DRC1: variants seen among roughly 807,000 people sequenced by gnomAD.
DRC1 encodes dynein regulatory complex subunit 1, also known as dynein regulatory complex protein 1.
DRC1 carries 74 observed loss-of-function variants against 98.7 expected under a neutral mutation model. The observed-to-expected ratio is 0.75, with a 90% CI of 0.62 to 0.91. The LOEUF is 0.91. DRC1 is among the 40% of genes least tolerant of loss of function. The pLI, the probability that DRC1 is intolerant of heterozygous loss-of-function variation, is 0.00. For synonymous variants in DRC1, 336 were observed against 334.1 expected (o/e 1.01, Z -0.06); for missense variants, 875 against 886.0 (o/e 0.99, Z 0.16).
At chr2:26,449,639 A>T (rs1462026829) in intron 11 of DRC1, among the ~76,000 whole-genome samples, 4 of 152,120 alleles carry the variant, frequency 2.6e-5, no homozygotes, top group Non-Finnish European at 2.9e-5. Flanking sequence ...GGACAAGACT[A>T]TGGGTGAAGC....
Position 26,421,406 on chromosome 2 carries a change from G to T in DRC1, c.356+6G>T. 2 of 1,611,296 alleles carry T rather than the reference G, an allele frequency of 1.2e-6. No homozygotes were observed. Among genetic ancestry groups the T allele is most frequent in the Non-Finnish European group, 1.7e-6 (2 of 1,177,978 alleles). On this transcript the variant is annotated splice_donor_region_variant and intron_variant, in intron 3 of 16. Coordinates refer to ENST00000288710, the MANE Select transcript of DRC1 (RefSeq NM_145038.5). ...GAGGAGATAAAGCGTCAAAGGTAAGGACTGTGCTACTCTGCAGCTGGTGGA... is the reference window on the plus strand; with the variant it reads ...GAGGAGATAAAGCGTCAAAGGTAAGTACTGTGCTACTCTGCAGCTGGTGGA...
At chr2:26,422,132 G>A (rs1255923415) in intron 3 of DRC1, among the ~76,000 whole-genome samples, 2 of 152,204 alleles carry the variant, frequency 1.3e-5, no homozygotes, top group Non-Finnish European at 2.9e-5. Flanking sequence ...GGGATGAATA[G>A]GAATTTGAGG....
At chr2:26,427,945 T>G (rs1014951001) in intron 4 of DRC1, among the ~76,000 whole-genome samples, 4 of 152,210 alleles carry the variant, frequency 2.6e-5, no homozygotes, top group African/African-American at 9.7e-5. Flanking sequence ...CCCTTGTGTA[T>G]AGGTACCACA....
chr2:26,407,430 C>A (rs1032060156), intron 1 of DRC1, among the ~76,000 whole-genome samples: 6 of 152,174 alleles, frequency 3.9e-5, no homozygotes, highest in African/African-American at 1.4e-4. Flanking sequence ...ATATCATATT[C>A]ATCCGTGAGG....
At chr2:26,452,406 C>G (rs1405385116) in intron 13 of DRC1, among the ~76,000 whole-genome samples, 1 of 152,116 alleles carries the variant, frequency 6.6e-6, no homozygotes, top group Non-Finnish European at 1.5e-5. Context: ...ATTACAGGCA[C>G]CTGCCACCAC....
At chr2:26,434,169 T>C (rs987851649) in intron 7 of DRC1, among the ~76,000 whole-genome samples, 1 of 152,022 alleles carries the variant, frequency 6.6e-6, no homozygotes, top group Non-Finnish European at 1.5e-5. Context: ...ACCACAAAAA[T>C]AGGAAGGATA....
At chr2:26,425,493 C>T (rs1314475365) in intron 4 of DRC1, among the ~76,000 whole-genome samples, 1 of 152,138 alleles carries the variant, frequency 6.6e-6, no homozygotes, top group Admixed American at 6.5e-5. Flanking sequence ...TCTTAGGAAC[C>T]TCCATACTGT....
At chr2:26,412,862 A>G (rs1678661867) in intron 1 of DRC1, among the ~76,000 whole-genome samples, 1 of 152,018 alleles carries the variant, frequency 6.6e-6, no homozygotes, top group Non-Finnish European at 1.5e-5. Flanking sequence ...GGCTCACTGC[A>G]AGCTCCGCCT....
intron 1 of DRC1, among the ~76,000 whole-genome samples, chr2:26,404,079 G>A (rs1414230921): frequency 2.6e-5 from 4 of 151,852 alleles, no homozygotes; most frequent in East Asian, 3.9e-4. Flanking sequence ...CAGCCTGGGC[G>A]ACAGAGCGAG....
rs757114521 is a variant in DRC1, at chr2:26,402,028, C to T, written c.39C>T (p.Asn13=). Residue 13 remains asparagine, a synonymous_variant, in exon 1 of 17, where the codon AAC becomes AAT. Coordinates refer to ENST00000288710, the MANE Select transcript of DRC1 (RefSeq NM_145038.5). ...GGTCCCTAGAGGCCCTGGACCCGAACGTGGACGAGCACTTGTCCACCCAGA... is the reference window on the plus strand; with the variant it reads ...GGTCCCTAGAGGCCCTGGACCCGAATGTGGACGAGCACTTGTCCACCCAGA... ...PPGSLEALDP[N]VDEHLSTQIL... 1.9e-6 allele frequency: 3 copies of T among 1,612,554 alleles called. No homozygotes were observed. Among genetic ancestry groups the T allele is most frequent in the African/African-American group, 1.3e-5 (1 of 75,040 alleles).
At chr2:26,419,263 T>G (rs2147984096) in intron 2 of DRC1, among the ~76,000 whole-genome samples, 1 of 152,212 alleles carries the variant, frequency 6.6e-6, no homozygotes, top group East Asian at 1.9e-4. Context: ...TGGACCTCCA[T>G]TTAAATGCTT....
chr2:26,452,902 A>G (rs971131717), intron 13 of DRC1, among the ~76,000 whole-genome samples: 1 of 152,256 alleles, frequency 6.6e-6, no homozygotes, highest in African/African-American at 2.4e-5. Context: ...TTTCCTTGGA[A>G]GGAACCATAG....
intron 1 of DRC1, among the ~76,000 whole-genome samples, chr2:26,407,962 T>C (rs1010220407): frequency 1.3e-5 from 2 of 152,216 alleles, no homozygotes; most frequent in Non-Finnish European, 2.9e-5. Flanking sequence ...TCCTATATCC[T>C]GTAGAATATG....
rs114557669 is a variant in DRC1, at chr2:26,401,950, T to C, written c.-40T>C. 1.9e-3 allele frequency: 3,017 copies of C among 1,560,252 alleles called. 57 individuals are homozygous for C. The African/African-American group carries it at 0.035, about 18-fold the overall frequency. ...TAGCAACCAGCCTGAGGTCTGGAGG[T>C]GGTGCGGAGGGAGCCGCCTAGGGAC... On this transcript the variant is annotated 5_prime_UTR_variant, in exon 1 of 17. Coordinates refer to ENST00000288710, the MANE Select transcript of DRC1 (RefSeq NM_145038.5).
intron 7 of DRC1, 45 bp downstream of exon 7, chr2:26,432,051 A>G: frequency 1.3e-6 from 2 of 1,597,368 alleles, no homozygotes; most frequent in Non-Finnish European, 1.7e-6. Context: ...GGCGGAGCAG[A>G]TGGTGAACAC....
In DRC1 at chr2:26,454,547, A is replaced by C; in HGVS notation, c.1920-100A>C. Reference sequence around the variant, plus strand: ...TAATAAACTTGGACTGCTGAGTGGGAAGGTGACAGGTGGGAAAGCAGTAGG... The same window carrying C: ...TAATAAACTTGGACTGCTGAGTGGGCAGGTGACAGGTGGGAAAGCAGTAGG... On this transcript the variant is annotated intron_variant, in intron 14 of 16. Transcript: ENST00000288710. This position sits in a 1 kb window ranked among gnomAD's most constrained non-coding sequence, Gnocchi z 5.2. 6.6e-7 allele frequency: 1 copy of C among 1,517,244 alleles called. No individual in the cohort carries two copies. The highest frequency in any genetic ancestry group is 8.9e-7 in the Non-Finnish European group (1 of 1,118,066). The allele number at this position is 1,517,244 out of a possible 1,614,324, so 94.0% of individuals were successfully genotyped here.
chr2:26,422,932 A>G (rs1663183578), intron 3 of DRC1, among the ~76,000 whole-genome samples: 1 of 152,100 alleles, frequency 6.6e-6, no homozygotes, highest in Admixed American at 6.5e-5. Context: ...AAAAAAAAAA[A>G]AAAAAAAGGC....
intron 7 of DRC1, among the ~76,000 whole-genome samples, chr2:26,435,160 C>G (rs1251613393): frequency 1.3e-5 from 2 of 152,078 alleles, no homozygotes; most frequent in African/African-American, 4.8e-5. Context: ...AGCCCATGGG[C>G]AAGAGATGAC....
chr2:26,414,115 C>CATTATTATTATT (rs3067393), intron 1 of DRC1, among the ~76,000 whole-genome samples: 1,933 of 144,470 alleles, frequency 0.013, 14 homozygotes, highest in South Asian at 0.016. Flanking sequence ...ACAATGGAAC[C>CATTATTATTATT]ATTATTATTA....
Sources: gnomAD v4.1 joint callset for allele counts (sites outside exome capture counted in the v4.1 genomes callset) on GRCh38, gnomAD v4.1.1 for gene constraint, Gnocchi (gnomAD v3.1) non-coding constraint, MANE v1.5 for transcripts, NCBI Gene and HGNC (gene_info 2026-07-23, HGNC 2026-07-21) for gene names.